Variants in FBXL20 observed in about 807,000 individuals in gnomAD.
FBXL20 encodes the protein F-box and leucine rich repeat protein 20, also known as F-box/LRR-repeat protein 20.
In FBXL20, 11 loss-of-function variants were observed where a neutral mutation model predicts 64.0. The observed-to-expected ratio is 0.17, with a 90% CI of 0.11 to 0.28. FBXL20 has a LOEUF of 0.28. Among genes scored for constraint, FBXL20 ranks in the 10% least tolerant of loss-of-function variants. FBXL20 has a pLI of 1.00. For synonymous variants in FBXL20, 184 were observed against 189.0 expected (o/e 0.97, Z 0.22); for missense variants, 303 against 526.2 (o/e 0.58, Z 4.15).
upstream of FBXL20, chr17:39,401,630 G>C: frequency 7.3e-7 from 1 of 1,366,626 alleles, no homozygotes; most frequent in Non-Finnish European, 9.4e-7. Context: ...TCTCTCCTCA[G>C]CCTCAACTTC....
At chr17:39,390,800 G>A (rs1451689449) in intron 1 of FBXL20, among the ~76,000 whole-genome samples, 1 of 152,152 alleles carries the variant, frequency 6.6e-6, no homozygotes, top group Non-Finnish European at 1.5e-5. Context: ...TGTAATCCTA[G>A]CACTTTTGGA....
At chr17:39,269,647 C>T (rs776468347) in intron 11 of FBXL20, among the ~76,000 whole-genome samples, 13 of 152,028 alleles carry the variant, frequency 8.6e-5, no homozygotes, top group South Asian at 2.1e-4. Context: ...TACAGGCATG[C>T]GCCACCATCA....
chr17:39,295,953 G>C (rs1433662279), intron 6 of FBXL20, among the ~76,000 whole-genome samples: 1 of 151,916 alleles, frequency 6.6e-6, no homozygotes, highest in African/African-American at 2.4e-5. Context: ...TCTACTAATA[G>C]ACATTGGGGA....
intron 1 of FBXL20, among the ~76,000 whole-genome samples, chr17:39,383,364 T>C (rs1442089462): frequency 2.0e-5 from 3 of 152,076 alleles, no homozygotes; most frequent in Non-Finnish European, 4.4e-5. Flanking sequence ...CTCATGCCTA[T>C]AATCTTAACA....
chr17:39,342,634 G>A (rs1006893870), intron 2 of FBXL20, among the ~76,000 whole-genome samples: 2 of 151,954 alleles, frequency 1.3e-5, no homozygotes, highest in South Asian at 2.1e-4. Context: ...GGAGAATGGC[G>A]TGAACCCAGG....
chr17:39,291,471 TCACCCAGGGTGGAGTACAGTGG>T (rs2047039170), intron 6 of FBXL20, among the ~76,000 whole-genome samples: 1 of 146,278 alleles, frequency 6.8e-6, no homozygotes, highest in Non-Finnish European at 1.5e-5. Context: ...TCTCATTCTG[TCACCCAGGGTGGAGTACAGTGG>T]CACAATCTCA....
chr17:39,266,770 G>T (rs2046795805), intron 12 of FBXL20, among the ~76,000 whole-genome samples: 1 of 152,192 alleles, frequency 6.6e-6, no homozygotes, highest in African/African-American at 2.4e-5. Context: ...ATCCACTCAG[G>T]CTACATTTGA....
chr17:39,383,697 C>T (rs1281716230), intron 1 of FBXL20, among the ~76,000 whole-genome samples: 2 of 149,636 alleles, frequency 1.3e-5, no homozygotes, highest in Non-Finnish European at 3.0e-5. Flanking sequence ...TCAAGCAATT[C>T]TCCTGTCTCA....
chr17:39,291,623 C>T (rs1225332981), intron 6 of FBXL20, among the ~76,000 whole-genome samples: 2 of 151,720 alleles, frequency 1.3e-5, no homozygotes, highest in South Asian at 2.1e-4. Flanking sequence ...TTAGTAGAGA[C>T]GGGGTTTTGT....
chr17:39,344,367 G>C (rs2047612205), intron 1 of FBXL20, among the ~76,000 whole-genome samples: 1 of 150,396 alleles, frequency 6.6e-6, no homozygotes. Flanking sequence ...AAAAAAAAAA[G>C]GTTTACTGCT....
intron 1 of FBXL20, among the ~76,000 whole-genome samples, chr17:39,351,839 G>A (rs1012466081): frequency 2.0e-5 from 3 of 152,180 alleles, no homozygotes; most frequent in South Asian, 2.1e-4. Flanking sequence ...TGACTTCTAG[G>A]GGTAGAATGT....
intron 1 of FBXL20, among the ~76,000 whole-genome samples, chr17:39,352,722 A>C (rs1013519724): frequency 2.6e-5 from 4 of 151,930 alleles, no homozygotes; most frequent in African/African-American, 9.7e-5. Flanking sequence ...AAAGGAAAGA[A>C]ATACTTGTTC....
chr17:39,270,728 CT>C (rs2046836258), intron 11 of FBXL20, 67 bp downstream of exon 11: 1 of 1,331,790 alleles, frequency 7.5e-7, no homozygotes, highest in Admixed American at 2.3e-5. Context: ...GCTGCTTGTT[CT>C]TCTGAAATAA....
intron 1 of FBXL20, among the ~76,000 whole-genome samples, chr17:39,369,257 T>C (rs1372721982): frequency 9.5e-5 from 5 of 52,682 alleles, no homozygotes; most frequent in African/African-American, 2.6e-4. Context: ...AATTCAATGC[T>C]TTTTTTTTTT....
chr17:39,346,648 T>G (rs1189151442), intron 1 of FBXL20, among the ~76,000 whole-genome samples: 3 of 143,166 alleles, frequency 2.1e-5, no homozygotes, highest in Non-Finnish European at 4.5e-5. Flanking sequence ...TTTAGCAGGT[T>G]TCAGTGCAAC....
intron 9 of FBXL20, among the ~76,000 whole-genome samples, chr17:39,277,755 A>C (rs2046911737): frequency 6.7e-5 from 1 of 14,998 alleles, no homozygotes; most frequent in African/African-American, 1.1e-4. Context: ...ACTCCGTCTC[A>C]AAAAAAAAAA....
At chr17:39,319,186 T>C (rs2047325669) in intron 2 of FBXL20, among the ~76,000 whole-genome samples, 1 of 151,032 alleles carries the variant, frequency 6.6e-6, no homozygotes, top group Middle Eastern at 3.5e-3. Context: ...GAGTAGGAGG[T>C]TGCAGCGAGT....
intron 6 of FBXL20, among the ~76,000 whole-genome samples, chr17:39,293,842 T>TA (rs397812692): frequency 4.6e-5 from 7 of 151,918 alleles, no homozygotes; most frequent in African/African-American, 1.7e-4. Flanking sequence ...TTTTTTTTTT[T>TA]AGTAGCTTCC....
intron 1 of FBXL20, among the ~76,000 whole-genome samples, chr17:39,386,102 T>C (rs2048076922): frequency 6.6e-6 from 1 of 150,808 alleles, no homozygotes. Flanking sequence ...CTCAGCACTT[T>C]GGGAGGCCAA....
Sources: allele counts gnomAD v4.1 joint callset (sites outside exome capture counted in the v4.1 genomes callset), GRCh38; gene constraint gnomAD v4.1.1; transcripts MANE v1.5; gene names NCBI Gene and HGNC (gene_info 2026-07-23, HGNC 2026-07-21).